TENM4: variants seen among roughly 807,000 people sequenced by gnomAD.
TENM4 encodes teneurin transmembrane protein 4, also known as teneurin-4.
A neutral mutation model predicts 243.3 loss-of-function variants in TENM4; 82 were observed. The observed-to-expected ratio is 0.34, with a 90% CI of 0.28 to 0.40. The LOEUF (loss-of-function observed/expected upper bound fraction) is 0.40, where lower values mean the gene tolerates loss of function less well. Ranked by LOEUF, TENM4 falls within the 10% of genes least tolerant of loss-of-function variation. The probability of loss-of-function intolerance (pLI) is 1.00; values close to 1 mark genes in which losing one functional copy is unlikely to be tolerated. For missense variants in TENM4, 3,138 were observed against 3,673.3 expected (o/e 0.85, Z 3.77); for synonymous variants, 1,412 against 1,456.3 (o/e 0.97, Z 0.69).
intron 9 of TENM4, among the ~76,000 whole-genome samples, chr11:78,865,765 T>C (rs1249194543): frequency 6.6e-6 from 1 of 152,226 alleles, no homozygotes; most frequent in South Asian, 2.1e-4. Context: ...ACTTTGCTTT[T>C]TTCTTTGGTT....
chr11:79,143,179 TA>T (rs1862325772), intron 4 of TENM4, among the ~76,000 whole-genome samples: 2 of 152,282 alleles, frequency 1.3e-5, no homozygotes, highest in Admixed American at 6.5e-5. Context: ...TTACTGGCTA[TA>T]TACCCAAAGG....
intron 6 of TENM4, among the ~76,000 whole-genome samples, chr11:79,005,939 T>C (rs1320659143): frequency 6.6e-6 from 1 of 152,244 alleles, no homozygotes; most frequent in African/African-American, 2.4e-5. Flanking sequence ...GTAGCATTTC[T>C]ATACACTAAC....
intron 2 of TENM4, among the ~76,000 whole-genome samples, chr11:79,225,160 A>G (rs904201606): frequency 6.6e-6 from 1 of 152,168 alleles, no homozygotes; most frequent in East Asian, 1.9e-4. Flanking sequence ...CTATGAGACA[A>G]TACGTTTCCA....
intron 1 of TENM4, among the ~76,000 whole-genome samples, chr11:79,404,951 T>C (rs1858536996): frequency 6.6e-6 from 1 of 152,172 alleles, no homozygotes; most frequent in Non-Finnish European, 1.5e-5. Context: ...CCTGTGGATA[T>C]GGAAACTCCT....
chr11:78,892,607 T>C (rs1000422473), intron 7 of TENM4, among the ~76,000 whole-genome samples: 3 of 152,186 alleles, frequency 2.0e-5, no homozygotes, highest in African/African-American at 7.2e-5. Flanking sequence ...GGAAGAAGTA[T>C]TAAGGGCTAT....
At chr11:78,783,995 G>A (rs1426691066) in intron 16 of TENM4, among the ~76,000 whole-genome samples, 1 of 152,166 alleles carries the variant, frequency 6.6e-6, no homozygotes, top group Non-Finnish European at 1.5e-5. Context: ...TACGCAGGTC[G>A]GCAGTATGTA....
At chr11:79,245,395 T>C (rs1430694888) in intron 2 of TENM4, among the ~76,000 whole-genome samples, 1 of 152,142 alleles carries the variant, frequency 6.6e-6, no homozygotes, top group Admixed American at 6.6e-5. Flanking sequence ...CAAAATACAT[T>C]TTTTCATGTA....
chr11:79,082,757 G>A (rs1250843417), intron 4 of TENM4, among the ~76,000 whole-genome samples: 1 of 152,136 alleles, frequency 6.6e-6, no homozygotes, highest in Non-Finnish European at 1.5e-5. Context: ...AGAAAGCAAG[G>A]GAGAGATGTA....
At chr11:79,168,838 A>G (rs1264815507) in intron 3 of TENM4, among the ~76,000 whole-genome samples, 1 of 152,210 alleles carries the variant, frequency 6.6e-6, no homozygotes, top group East Asian at 1.9e-4. Context: ...CCAGGCTTCA[A>G]GAAACCTTGC....
At chr11:79,368,867 C>T (rs1008729159) in intron 1 of TENM4, among the ~76,000 whole-genome samples, 4 of 152,204 alleles carry the variant, frequency 2.6e-5, no homozygotes, top group East Asian at 3.9e-4. Context: ...ACAGCTGTCT[C>T]GCGGAGATGT....
At chr11:79,306,738 C>A (rs1258527945) in intron 1 of TENM4, among the ~76,000 whole-genome samples, 1 of 152,138 alleles carries the variant, frequency 6.6e-6, no homozygotes, top group Admixed American at 6.5e-5. Context: ...TGCCCATTTA[C>A]AACCAAAGAA....
chr11:78,729,864 A>G (rs951561556), intron 21 of TENM4, among the ~76,000 whole-genome samples: 2 of 152,030 alleles, frequency 1.3e-5, no homozygotes, highest in African/African-American at 4.8e-5. Context: ...ATGAGATGGG[A>G]GAAAGATTGG....
At chr11:79,073,003 A>AG (rs1358166843) in intron 4 of TENM4, among the ~76,000 whole-genome samples, 1 of 152,180 alleles carries the variant, frequency 6.6e-6, no homozygotes, top group Non-Finnish European at 1.5e-5. Flanking sequence ...CCTGTGATAT[A>AG]GGTATTATGA....
chr11:78,903,190 G>GC (rs35984934), intron 7 of TENM4, 78 bp downstream of exon 7: 12 of 1,434,070 alleles, frequency 8.4e-6, no homozygotes, highest in Admixed American at 3.3e-5. Flanking sequence ...ACACTGAATG[G>GC]CCCCGCCAGC....
chr11:79,035,624 A>G (rs1859357635), intron 6 of TENM4, among the ~76,000 whole-genome samples: 1 of 152,094 alleles, frequency 6.6e-6, no homozygotes, highest in Non-Finnish European at 1.5e-5. Context: ...ACACAAAAAC[A>G]TATTCCTTTT....
chr11:79,110,324 A>G (rs914081239), intron 4 of TENM4, among the ~76,000 whole-genome samples: 1 of 152,132 alleles, frequency 6.6e-6, no homozygotes, highest in African/African-American at 2.4e-5. Flanking sequence ...TTTGTCTCAC[A>G]CTGCAGCCCC....
rs1477707140 is a variant in TENM4, at chr11:78,707,167, G to A, written c.4209+1194C>T. On this transcript the variant is annotated intron_variant, in intron 27 of 33. Coordinates refer to ENST00000278550, the MANE Select transcript of TENM4 (RefSeq NM_001098816.3). ...GTGTGCAGGCTCCCCTAAAAATGAA[G>A]GGGTTTAAAAAGCTAAATGTTGCTG... 1.3e-5 allele frequency among the ~76,000 whole-genome samples: 2 copies of A among 152,190 alleles called. 1 individual carries two copies. The highest frequency in any genetic ancestry group is 2.9e-5 in the Non-Finnish European group (2 of 68,038).
intron 6 of TENM4, among the ~76,000 whole-genome samples, chr11:78,922,675 C>T (rs533901438): frequency 1.3e-5 from 2 of 152,152 alleles, no homozygotes; most frequent in South Asian, 2.1e-4. Flanking sequence ...CGGTCAAACA[C>T]GTCAAACATG....
At chr11:78,704,385 G>A (rs1035232656) in intron 27 of TENM4, among the ~76,000 whole-genome samples, 1 of 151,810 alleles carries the variant, frequency 6.6e-6, no homozygotes, top group Admixed American at 6.6e-5. Flanking sequence ...GTCTATAAGA[G>A]TGTTTTTAAT....
Sources: allele counts gnomAD v4.1 joint callset (sites outside exome capture counted in the v4.1 genomes callset), GRCh38; gene constraint gnomAD v4.1.1; transcripts MANE v1.5; gene names NCBI Gene and HGNC (gene_info 2026-07-23, HGNC 2026-07-21).